The following GTF2E2 variants were observed in gnomAD, a reference collection of about 807,000 sequenced individuals.
GTF2E2 encodes transcription initiation factor IIE subunit beta.
A neutral mutation model predicts 40.5 loss-of-function variants in GTF2E2; 21 were observed. The observed-to-expected ratio is 0.52, with a 90% confidence interval of 0.37 to 0.75. The LOEUF is 0.75. Ranked by LOEUF, GTF2E2 falls within the 30% of genes least tolerant of loss-of-function variation. The pLI, the probability that GTF2E2 is intolerant of heterozygous loss-of-function variation, is 0.00. For missense variants in GTF2E2, 298 were observed against 338.4 expected (o/e 0.88, Z 0.94); for synonymous variants, 117 against 121.6 (o/e 0.96, Z 0.25).
chr8:30,627,729 G>GT (rs543894518), intron 3 of GTF2E2, among the ~76,000 whole-genome samples: 18 of 152,286 alleles, frequency 1.2e-4, no homozygotes, highest in Admixed American at 3.9e-4. Flanking sequence ...CAGTATACTT[G>GT]AGCACCTAAA....
At chr8:30,654,094 AAAAAAAAAAAAAG>A (rs1802378724) in intron 1 of GTF2E2, among the ~76,000 whole-genome samples, 2 of 151,220 alleles carry the variant, frequency 1.3e-5, no homozygotes, top group Admixed American at 1.3e-4. Flanking sequence ...TGTTCAAAAA[AAAAAAAAAAAAAG>A]AAAGAAAGAA....
intron 6 of GTF2E2, among the ~76,000 whole-genome samples, chr8:30,601,245 G>A (rs918017157): frequency 6.6e-6 from 1 of 152,164 alleles, no homozygotes; most frequent in Admixed American, 6.6e-5. Flanking sequence ...GCTCAGCCTG[G>A]AAGGTCAAGG....
intron 2 of GTF2E2, among the ~76,000 whole-genome samples, chr8:30,638,021 T>A (rs1801669302): frequency 6.6e-6 from 1 of 152,188 alleles, no homozygotes; most frequent in African/African-American, 2.4e-5. Context: ...AGAGACTATT[T>A]TTTGAATGCA....
chr8:30,649,461 T>C (rs1258508295), intron 2 of GTF2E2, among the ~76,000 whole-genome samples: 5 of 151,980 alleles, frequency 3.3e-5, no homozygotes, highest in Non-Finnish European at 7.4e-5. Context: ...AACCAAAGGT[T>C]GGTTCTTTGA....
intron 6 of GTF2E2, among the ~76,000 whole-genome samples, chr8:30,587,777 CAGG>C (rs528905258): frequency 1.1e-4 from 17 of 148,146 alleles, no homozygotes; most frequent in South Asian, 8.7e-4. Flanking sequence ...GAGGCTGAGG[CAGG>C]AGAATTGCTT....
intron 3 of GTF2E2, among the ~76,000 whole-genome samples, chr8:30,614,936 G>C (rs1585966916): frequency 6.6e-6 from 1 of 151,786 alleles, no homozygotes; most frequent in South Asian, 2.1e-4. Context: ...TATGCAACTC[G>C]TATCACCAAG....
chr8:30,629,612 C>T (rs1001165809), intron 3 of GTF2E2, among the ~76,000 whole-genome samples: 2 of 151,250 alleles, frequency 1.3e-5, no homozygotes, highest in African/African-American at 4.9e-5. Flanking sequence ...TGGCGTGAAC[C>T]CAGGAGGTAG....
chr8:30,632,252 A>G (rs35370135), intron 3 of GTF2E2, among the ~76,000 whole-genome samples: 51,141 of 152,142 alleles, frequency 0.34, 8,665 homozygotes, highest in African/African-American at 0.4. Flanking sequence ...AATTACTGTA[A>G]TTCTTTTTCA....
chr8:30,619,764 A>C (rs1446474437), intron 3 of GTF2E2, among the ~76,000 whole-genome samples: 3 of 152,028 alleles, frequency 2.0e-5, no homozygotes, highest in African/African-American at 4.8e-5. Flanking sequence ...ACAATTTTCT[A>C]ACAATGATTT....
At chr8:30,620,481 T>C (rs1446248140) in intron 3 of GTF2E2, among the ~76,000 whole-genome samples, 3 of 152,140 alleles carry the variant, frequency 2.0e-5, no homozygotes, top group Non-Finnish European at 4.4e-5. Flanking sequence ...CTTCTTATAC[T>C]GTTAAAAAAA....
At chr8:30,607,240 T>A in intron 5 of GTF2E2, 90 bp from the exon 6 acceptor site, 1 of 545,314 alleles carries the variant, frequency 1.8e-6, no homozygotes, top group Non-Finnish European at 3.3e-6. Flanking sequence ...GGAGTTTCAT[T>A]TCCTTAACAC....
intron 2 of GTF2E2, among the ~76,000 whole-genome samples, chr8:30,638,914 GC>G (rs1310190393): frequency 3.9e-5 from 6 of 152,056 alleles, no homozygotes; most frequent in Non-Finnish European, 5.9e-5. Context: ...GTAAACCATA[GC>G]TTTTTATTTT....
At chr8:30,580,976 C>T (rs1174879971) in intron 6 of GTF2E2, among the ~76,000 whole-genome samples, 2 of 152,172 alleles carry the variant, frequency 1.3e-5, no homozygotes, top group African/African-American at 4.8e-5. Context: ...GGCGACAGTC[C>T]TGCCTGCAGC....
intron 7 of GTF2E2, 93 bp downstream of exon 7, chr8:30,580,188 G>A (rs1828475135): frequency 1.4e-6 from 1 of 738,600 alleles, no homozygotes; most frequent in Admixed American, 2.2e-5. Flanking sequence ...CAATGGCGGG[G>A]GAACAACTCC....
intron 2 of GTF2E2, among the ~76,000 whole-genome samples, chr8:30,648,969 G>A (rs936347146): frequency 6.6e-6 from 1 of 152,204 alleles, no homozygotes; most frequent in Non-Finnish European, 1.5e-5. Context: ...TGGGGAAGAT[G>A]AAATTCGCTA....
At chr8:30,588,903 A>G (rs1010623588) in intron 6 of GTF2E2, among the ~76,000 whole-genome samples, 1 of 152,232 alleles carries the variant, frequency 6.6e-6, no homozygotes, top group African/African-American at 2.4e-5. Flanking sequence ...TTGTAGTAAC[A>G]TCTTACAGCA....
intron 3 of GTF2E2, among the ~76,000 whole-genome samples, chr8:30,629,950 TAC>T (rs1437538203): frequency 1.3e-5 from 2 of 152,174 alleles, no homozygotes; most frequent in African/African-American, 4.8e-5. Flanking sequence ...AAAAATAAAG[TAC>T]ACACTTAATT....
intron 7 of GTF2E2, among the ~76,000 whole-genome samples, chr8:30,579,729 C>G (rs1828455174): frequency 6.6e-6 from 1 of 152,168 alleles, no homozygotes; most frequent in Admixed American, 6.5e-5. Flanking sequence ...TCCCCCCGGG[C>G]TTTGTTCTTA....
intron 3 of GTF2E2, among the ~76,000 whole-genome samples, chr8:30,616,583 C>T (rs1317852309): frequency 6.6e-6 from 1 of 152,016 alleles, no homozygotes; most frequent in Non-Finnish European, 1.5e-5. Context: ...GGACATAGGT[C>T]ATTATACACT....
Sources: allele counts gnomAD v4.1 joint callset (sites outside exome capture counted in the v4.1 genomes callset), GRCh38; gene constraint gnomAD v4.1.1; transcripts MANE v1.5; gene names NCBI Gene and HGNC (gene_info 2026-07-23, HGNC 2026-07-21).